RYR3: variants seen among roughly 807,000 people sequenced by gnomAD.
RYR3 encodes the protein brain ryanodine receptor-calcium release channel.
Under a neutral mutation model 584.3 loss-of-function variants are expected in RYR3, and 207 were observed. That is an observed-to-expected ratio of 0.35 (90% confidence interval 0.32 to 0.40). RYR3 has a LOEUF of 0.40. Among genes scored for constraint, RYR3 ranks in the 10% least tolerant of loss-of-function variants. The probability of loss-of-function intolerance (pLI) is 1.00; values close to 1 mark genes in which losing one functional copy is unlikely to be tolerated. For missense variants in RYR3, 5,616 were observed against 6,089.2 expected, an observed-to-expected ratio of 0.92 and a Z score of 2.59; for synonymous variants, 2,416 against 2,248.5, an observed-to-expected ratio of 1.07 and a Z score of -2.11.
intron 1 of RYR3, among the ~76,000 whole-genome samples, chr15:33,470,382 T>G (rs183961582): frequency 1.1e-4 from 17 of 152,028 alleles, no homozygotes; most frequent in Admixed American, 1.1e-3. Flanking sequence ...GAGATAGAGT[T>G]GAAACAAGCT....
chr15:33,555,111 G>A (rs2056981085), intron 10 of RYR3, among the ~76,000 whole-genome samples: 1 of 152,186 alleles, frequency 6.6e-6, no homozygotes, highest in South Asian at 2.1e-4. Flanking sequence ...ATTCAGTTTA[G>A]TAAACATTTG....
At chr15:33,407,700 T>A (rs2043118135) in intron 1 of RYR3, among the ~76,000 whole-genome samples, 1 of 152,082 alleles carries the variant, frequency 6.6e-6, no homozygotes, top group Non-Finnish European at 1.5e-5. Flanking sequence ...AGTACTGCAG[T>A]AGAAACCTTG....
chr15:33,751,265 G>T (rs2071273950), intron 57 of RYR3, among the ~76,000 whole-genome samples: 1 of 152,162 alleles, frequency 6.6e-6, no homozygotes, highest in African/African-American at 2.4e-5. Flanking sequence ...TGGGATTGCT[G>T]GGTTAAATGG....
At chr15:33,809,010 C>T (rs2076361965) in intron 70 of RYR3, among the ~76,000 whole-genome samples, 1 of 152,170 alleles carries the variant, frequency 6.6e-6, no homozygotes, top group Admixed American at 6.5e-5. Context: ...GAAATTGCAG[C>T]CGCCACAAGT....
At position 33,653,587 on chromosome 15, in the gene RYR3, T is replaced by C. The variant is rs968315745; in HGVS notation, c.4308+704T>C. ...CAGGAGGCTGGGGCAGGAGAATCGC[T>C]TGAACCTGGGAGGCAGAGGTTGCAG... On this transcript the variant is annotated intron_variant, in intron 32 of 103. Transcript: ENST00000634891. Among the ~76,000 whole-genome samples the C allele has an allele frequency of 1.4e-4, 21 of 151,942 alleles. No homozygotes were observed. In the South Asian group the frequency reaches 4.2e-3, roughly 30 times the overall value.
chr15:33,390,739 T>C lies in RYR3; in HGVS notation c.51+79643T>C, dbSNP rs1200073440. 1.3e-5 allele frequency among the ~76,000 whole-genome samples: 2 copies of C among 152,152 alleles called. No homozygotes were observed. Among genetic ancestry groups the C allele is most frequent in the Non-Finnish European group, 2.9e-5 (2 of 68,006 alleles). The stretch of plus-strand genomic sequence containing the variant: ...GATTTATGCCGAACACCTGCTTAGT[T>C]CTGGGAATCTAGAAGAGCGGTACTT... On this transcript the variant is annotated intron_variant, in intron 1 of 103. Coordinates refer to ENST00000634891, the MANE Select transcript of RYR3 (RefSeq NM_001036.6). The surrounding 1 kb of genome is among the most constrained non-coding windows in gnomAD (Gnocchi z 4.2).
intron 98 of RYR3, among the ~76,000 whole-genome samples, chr15:33,857,311 C>T (rs950628246): frequency 4.6e-5 from 7 of 152,062 alleles, no homozygotes; most frequent in Non-Finnish European, 7.4e-5. Context: ...CTCTCGCTGC[C>T]GCTTCCCCTG....
At chr15:33,614,185 C>T (rs903455598) in intron 19 of RYR3, among the ~76,000 whole-genome samples, 4 of 152,220 alleles carry the variant, frequency 2.6e-5, no homozygotes, top group South Asian at 2.1e-4. Flanking sequence ...AGAAATGAGG[C>T]TGTTTTCAGT....
chr15:33,512,963 C>A (rs567677245), intron 3 of RYR3, among the ~76,000 whole-genome samples: 1 of 152,202 alleles, frequency 6.6e-6, no homozygotes, highest in Admixed American at 6.5e-5. Flanking sequence ...ATAACTGTTT[C>A]ATGGGGGACA....
chr15:33,668,394 G>A (rs141844614), intron 36 of RYR3, among the ~76,000 whole-genome samples: 1 of 152,080 alleles, frequency 6.6e-6, no homozygotes, highest in East Asian at 1.9e-4. Context: ...TACATGTAGA[G>A]TATAAAAGTA....
intron 60 of RYR3, among the ~76,000 whole-genome samples, chr15:33,761,904 T>C (rs957515269): frequency 6.6e-6 from 1 of 152,070 alleles, no homozygotes; most frequent in African/African-American, 2.4e-5. Context: ...AAAAAGCTTA[T>C]CCAACACAAT....
At chr15:33,582,253 C>T (rs946348635) in intron 14 of RYR3, among the ~76,000 whole-genome samples, 1 of 152,170 alleles carries the variant, frequency 6.6e-6, no homozygotes, top group Admixed American at 6.5e-5. Flanking sequence ...TGAGCCTGTG[C>T]AAGAAGGCGG....
chr15:33,825,906 G>C (rs147943744), intron 82 of RYR3: 1 of 500,840 alleles, frequency 2.0e-6, no homozygotes, highest in African/African-American at 1.9e-5. Context: ...CTAATTTTTT[G>C]TATTTTTAGT....
intron 2 of RYR3, among the ~76,000 whole-genome samples, chr15:33,495,857 G>A (rs888184578): frequency 1.3e-5 from 2 of 152,310 alleles, no homozygotes; most frequent in African/African-American, 4.8e-5. Context: ...TTAATGACTG[G>A]CTTCACCTTT....
chr15:33,858,001 G>A, intron 99 of RYR3, 87 bp downstream of exon 99: 10 of 1,553,004 alleles, frequency 6.4e-6, no homozygotes, highest in Non-Finnish European at 8.7e-6. Context: ...GCTGTGTGGG[G>A]GTGCTCTTGA....
intron 43 of RYR3, among the ~76,000 whole-genome samples, chr15:33,721,543 C>T (rs1003289100): frequency 6.6e-6 from 1 of 152,176 alleles, no homozygotes; most frequent in Non-Finnish European, 1.5e-5. Context: ...TAGGGTATTT[C>T]TGTAGAAAAG....
rs552315388 is a variant in RYR3 at position 33,693,915 on chromosome 15, T to A, written c.5861-2303T>A. ...GCACTAGTACACACTCAACACAGAG[T>A]GCCCGGACTAGGCCCTGTATTATTT... On this transcript the variant is annotated intron_variant, in intron 38 of 103. Coordinates refer to ENST00000634891, the MANE Select transcript of RYR3 (RefSeq NM_001036.6). 2.2e-3 allele frequency among the ~76,000 whole-genome samples: 341 copies of A among 152,244 alleles called. 1 individual carries two copies. The highest frequency in any genetic ancestry group is 0.01 in the Middle Eastern group (3 of 294).
At chr15:33,547,056 G>C (rs1372253209) in intron 8 of RYR3, among the ~76,000 whole-genome samples, 1 of 152,182 alleles carries the variant, frequency 6.6e-6, no homozygotes, top group Non-Finnish European at 1.5e-5. Flanking sequence ...CTGTTCTTGA[G>C]ACATGCTCTT....
At chr15:33,524,529 C>T (rs1020731168) in intron 3 of RYR3, among the ~76,000 whole-genome samples, 1 of 152,162 alleles carries the variant, frequency 6.6e-6, no homozygotes, top group Admixed American at 6.5e-5. Flanking sequence ...GAATTGCTCC[C>T]AGAAGCAGAA....
Sources: gnomAD v4.1 joint callset for allele counts (sites outside exome capture counted in the v4.1 genomes callset) on GRCh38, gnomAD v4.1.1 for gene constraint, Gnocchi (gnomAD v3.1) non-coding constraint, MANE v1.5 for transcripts, NCBI Gene and HGNC (gene_info 2026-07-23, HGNC 2026-07-21) for gene names.